Variants in ZFP82 observed in about 807,000 individuals in gnomAD.
ZFP82 encodes the protein zinc finger protein 82 homolog.
A neutral mutation model predicts 54.0 loss-of-function variants in ZFP82; 30 were observed. The ratio of observed to expected loss-of-function variants is 0.56; its 90% CI spans 0.42 to 0.75. ZFP82 has a LOEUF of 0.75. Ranked by LOEUF, ZFP82 falls within the 30% of genes least tolerant of loss-of-function variation. The pLI is 0.00. For missense variants in ZFP82, 500 were observed against 636.8 expected (o/e 0.79, Z 2.31); for synonymous variants, 194 against 209.5 (o/e 0.93, Z 0.64).
rs143413022 is a variant in ZFP82 at position 36,418,146 on chromosome 19, G to A, written c.-79+346C>T. Among the ~76,000 whole-genome samples, 1,278 of 151,960 alleles carry A rather than the reference G, an allele frequency of 8.4e-3. 21 individuals carry two copies. The highest frequency in any genetic ancestry group is 0.029 in the African/African-American group (1,209 of 41,468). On this transcript the variant is annotated intron_variant, in intron 1 of 4. Coordinates refer to ENST00000392161, the MANE Select transcript of ZFP82 (RefSeq NM_133466.4). ...CTGCCCAGGCTGGTCTCGAACTCCTGGCTTCCAGCGATCCTCCCGCCTCGC... is the reference window on the plus strand; with the variant it reads ...CTGCCCAGGCTGGTCTCGAACTCCTAGCTTCCAGCGATCCTCCCGCCTCGC...
chr19:36,416,037 G>C (rs2032663413), intron 1 of ZFP82, among the ~76,000 whole-genome samples: 1 of 152,170 alleles, frequency 6.6e-6, no homozygotes, highest in African/African-American at 2.4e-5. Flanking sequence ...CTTGCAAAAT[G>C]TTTTATAAAT....
chr19:36,412,330 CAT>C (rs1474245125), intron 1 of ZFP82, among the ~76,000 whole-genome samples: 2 of 152,102 alleles, frequency 1.3e-5, no homozygotes, highest in Non-Finnish European at 2.9e-5. Context: ...ATACTTGAAA[CAT>C]ATATTTTAAC....
intron 3 of ZFP82, among the ~76,000 whole-genome samples, chr19:36,407,374 C>T (rs1487179894): frequency 1.3e-5 from 2 of 152,222 alleles, no homozygotes; most frequent in East Asian, 3.9e-4. Flanking sequence ...CCGCGCCCGG[C>T]CAGATTTTTA....
In ZFP82 at chr19:36,393,158, G is replaced by C. The variant is rs113215509; in HGVS notation, c.1182C>G (p.Tyr394Ter). 6.2e-7 allele frequency: 1 copy of C among 1,613,274 alleles called. No individual in the cohort carries two copies. Reference protein sequence around the residue: ...HHRIHTGEKPYECKECWKAFS... With the variant: ...HHRIHTGEKP ...AGGCTTTCCAGCATTCCTTACATTC[G>C]TAAGGTTTTTCACCAGTATGAATTC... The change falls in exon 5 of 5, where the codon TAC becomes TAG. Residue 394 changes from tyrosine (Y) to a stop codon, truncating the protein, a stop_gained. Coordinates refer to ENST00000392161, the MANE Select transcript of ZFP82 (RefSeq NM_133466.4). LOFTEE classifies it high-confidence loss of function.
Position 36,392,750 on chromosome 19 carries a change from T to G in ZFP82, c.1590A>C (p.Val530=), listed in dbSNP as rs768926188. 1 of 1,556,204 alleles carries G rather than the reference T, an allele frequency of 6.4e-7. No homozygotes were observed. The highest frequency in any genetic ancestry group is 1.2e-5 in the South Asian group (1 of 80,996). ...AGTTGAAAAGACTTTCTTAGATTTT[T>G]ACATTATGAATTTTCAGATGATGAG... is the stretch of plus-strand genomic sequence containing the variant. ...HLTHHLKIHN[V]KI is the part of the protein sequence containing the mutation. The change falls in exon 5 of 5, where the codon GTA becomes GTC. Residue 530 remains valine, a synonymous_variant. Transcript: ENST00000392161.
chr19:36,414,865 G>A (rs939083365), intron 1 of ZFP82, among the ~76,000 whole-genome samples: 13 of 143,736 alleles, frequency 9.0e-5, no homozygotes, highest in South Asian at 2.2e-4. Flanking sequence ...CCTGTTGCCC[G>A]GGCTGGAATG....
At position 36,409,761 on chromosome 19, in the gene ZFP82, A is replaced by G. The variant is rs1201783931; in HGVS notation, c.9+20T>C. 1 of 1,613,208 alleles carries G rather than the reference A, an allele frequency of 6.2e-7. No individual in the cohort carries two copies. The highest frequency in any genetic ancestry group is 1.3e-5 in the African/African-American group (1 of 74,880). On this transcript the variant is annotated intron_variant, in intron 2 of 4. Coordinates refer to ENST00000392161, the MANE Select transcript of ZFP82 (RefSeq NM_133466.4). Reference sequence around the variant, plus strand: ...AGAACCTTAACATGATAGTATTCCTAGGAGGAGAAAAAAACTTACAAGGGC... The same window carrying G: ...AGAACCTTAACATGATAGTATTCCTGGGAGGAGAAAAAAACTTACAAGGGC...
chr19:36,410,738 T>C (rs982619707), intron 1 of ZFP82, among the ~76,000 whole-genome samples: 2 of 151,490 alleles, frequency 1.3e-5, no homozygotes, highest in Non-Finnish European at 2.9e-5. Flanking sequence ...CCTGACTTCA[T>C]GATCCGCCCG....
Position 36,392,864 on chromosome 19 carries a change from G to A in ZFP82, c.1476C>T (p.Ser492=). 2 of 1,610,764 alleles carry A rather than the reference G, an allele frequency of 1.2e-6. No homozygotes were observed. The highest frequency in any genetic ancestry group is 2.2e-5 in the East Asian group (1 of 44,598). Residue 492 remains serine, a synonymous_variant, in exon 5 of 5, where the codon TCC becomes TCT. Coordinates refer to ENST00000392161, the MANE Select transcript of ZFP82 (RefSeq NM_133466.4). ...ECRKAFRLNS[S]LIQHLRIHSG... The stretch of plus-strand genomic sequence containing the variant: ...AATGAATTCTCAGATGTTGAATAAG[G>A]GATGAATTAAGTCTAAAGGCCTTCC...
At chr19:36,397,299 G>T (rs1003515065) in intron 4 of ZFP82, among the ~76,000 whole-genome samples, 2 of 151,854 alleles carry the variant, frequency 1.3e-5, no homozygotes, top group African/African-American at 2.4e-5. Flanking sequence ...CATCATGTTG[G>T]CCAGGCTGGT....
downstream of ZFP82, among the ~76,000 whole-genome samples, chr19:36,386,157 C>G (rs1361669235): frequency 6.6e-6 from 1 of 152,240 alleles, no homozygotes; most frequent in African/African-American, 2.4e-5. Context: ...ACAGCATTCA[C>G]TGGCTCATGC....
In ZFP82 at chr19:36,392,929, T is replaced by C; in HGVS notation, c.1411A>G (p.Ile471Val). 4 of 1,613,920 alleles carry C rather than the reference T, an allele frequency of 2.5e-6. No homozygotes were observed. The highest frequency in any genetic ancestry group is 3.4e-6 in the Non-Finnish European group (4 of 1,179,928). The change falls in exon 5 of 5, where the codon ATT becomes GTT. Residue 471 changes from isoleucine to valine, a missense_variant. Transcript: ENST00000392161. Reference protein sequence around the residue: ...LRQKLTLHQSIHTGEKPFECK... With the variant: ...LRQKLTLHQSVHTGEKPFECK... Reference sequence around the variant, plus strand: ...TCAAAGGGTTTTTCGCCAGTATGAATGCTCTGATGTAGAGTAAGTTTTTGG... The same window carrying C: ...TCAAAGGGTTTTTCGCCAGTATGAACGCTCTGATGTAGAGTAAGTTTTTGG...
chr19:36,397,282 C>T (rs948280526), intron 4 of ZFP82, among the ~76,000 whole-genome samples: 13 of 151,740 alleles, frequency 8.6e-5, no homozygotes, highest in East Asian at 1.9e-4. Flanking sequence ...TTACTAGAGA[C>T]GGGTTTCATC....
At chr19:36,398,649 T>C (rs946906864) in intron 4 of ZFP82, among the ~76,000 whole-genome samples, 2 of 151,742 alleles carry the variant, frequency 1.3e-5, no homozygotes, top group African/African-American at 4.8e-5. Context: ...ATTCCATAGA[T>C]GCTGAAAAGG....
rs1002655967 is a variant in ZFP82, at chr19:36,411,094, G to A, written c.-78-1227C>T. On this transcript the variant is annotated intron_variant, in intron 1 of 4. Transcript: ENST00000392161. ...TATAATCCCAGTTACTGGGGAGGCT[G>A]AGGGAGGAGAATCGCTTGGACCTAG... Among the ~76,000 whole-genome samples, 4 of 139,090 alleles carry A rather than the reference G, an allele frequency of 2.9e-5. No individual in the cohort carries two copies. In the Admixed American group the frequency reaches 3.2e-4, roughly 11 times the overall value. The allele number at this position is 139,090 out of a possible 152,430, so 91.2% of individuals were successfully genotyped here.
chr19:36,414,364 CTT>C (rs1233064068), intron 1 of ZFP82, among the ~76,000 whole-genome samples: 14 of 130,972 alleles, frequency 1.1e-4, no homozygotes, highest in Admixed American at 1.6e-4. Context: ...TGTAATTCTA[CTT>C]TTTTTTTTTT....
At position 36,406,330 on chromosome 19, in the gene ZFP82, G is replaced by A. The variant is rs77824190; in HGVS notation, c.137-658C>T. On this transcript the variant is annotated intron_variant, in intron 3 of 4. Transcript: ENST00000392161. ...AGTAAATTTACAGAGTTGTGCAAAC[G>A]TCACCATAACCCAAACTTAGAATAT... is the stretch of plus-strand genomic sequence containing the variant. Among the ~76,000 whole-genome samples, 710 of 152,158 alleles carry A rather than the reference G, an allele frequency of 4.7e-3. 10 individuals carry two copies. Among genetic ancestry groups the A allele is most frequent in the African/African-American group, 0.016 (679 of 41,514 alleles).
At chr19:36,383,214 G>A (rs1199058923) in exon 2 of ZFP82, 3 of 152,028 alleles carry the variant, frequency 2.0e-5, no homozygotes, top group Non-Finnish European at 4.4e-5. Flanking sequence ...TATATAGAGA[G>A]AGAGATCTAC....
At chr19:36,407,292 G>A (rs2032501075) in intron 3 of ZFP82, among the ~76,000 whole-genome samples, 1 of 151,516 alleles carries the variant, frequency 6.6e-6, no homozygotes, top group African/African-American at 2.4e-5. Flanking sequence ...TAGCCGGGAT[G>A]GTCTCGATCT....
Sources: allele counts gnomAD v4.1 joint callset (sites outside exome capture counted in the v4.1 genomes callset), GRCh38; gene constraint gnomAD v4.1.1; transcripts MANE v1.5; gene names NCBI Gene and HGNC (gene_info 2026-07-23, HGNC 2026-07-21).